Variants in ELMO1 observed in about 807,000 individuals in gnomAD.
ELMO1 encodes the protein engulfment and cell motility 1.
ELMO1 carries 26 observed loss-of-function variants against 98.9 expected under a neutral mutation model. That is an observed-to-expected ratio of 0.26 (90% CI 0.19 to 0.36). ELMO1 has a LOEUF of 0.36. Among genes scored for constraint, ELMO1 ranks in the 10% least tolerant of loss-of-function variants. The pLI, the probability that ELMO1 is intolerant of heterozygous loss-of-function variation, is 1.00. For synonymous variants in ELMO1, 346 were observed against 346.0 expected (o/e 1.00, Z 0.00); for missense variants, 627 against 935.2 (o/e 0.67, Z 4.30).
At chr7:36,888,701 G>A (rs2129051688) in intron 17 of ELMO1, among the ~76,000 whole-genome samples, 1 of 152,316 alleles carries the variant, frequency 6.6e-6, no homozygotes, top group South Asian at 2.1e-4. Context: ...TTGCTTTGGT[G>A]ACATTCTCTC....
chr7:37,159,640 T>C (rs562637423), intron 13 of ELMO1, among the ~76,000 whole-genome samples: 105 of 152,080 alleles, frequency 6.9e-4, no homozygotes, highest in African/African-American at 2.4e-3. Flanking sequence ...CAGAGGTTGC[T>C]GTGAGCCAAG....
At chr7:37,232,609 G>C (rs748989639) in intron 8 of ELMO1, among the ~76,000 whole-genome samples, 2 of 152,196 alleles carry the variant, frequency 1.3e-5, no homozygotes, top group Non-Finnish European at 2.9e-5. Context: ...CTTGCACCCT[G>C]ATTACAAGTA....
chr7:37,012,399 T>C (rs7807504), intron 16 of ELMO1, among the ~76,000 whole-genome samples: 172 of 152,302 alleles, frequency 1.1e-3, no homozygotes, highest in African/African-American at 3.9e-3. Context: ...AGCCCCACAG[T>C]ATGACTGAGG....
At chr7:36,915,817 A>G (rs569082641) in intron 16 of ELMO1, among the ~76,000 whole-genome samples, 1 of 152,184 alleles carries the variant, frequency 6.6e-6, no homozygotes, top group Non-Finnish European at 1.5e-5. Context: ...GCAGGAGGTG[A>G]GCATTGGAAA....
chr7:36,918,966 G>A (rs571557932), intron 16 of ELMO1, among the ~76,000 whole-genome samples: 2 of 147,090 alleles, frequency 1.4e-5, no homozygotes, highest in East Asian at 4.0e-4. Context: ...GAGCAAGCAA[G>A]CATGCCTTCA....
intron 2 of ELMO1, among the ~76,000 whole-genome samples, chr7:37,322,006 C>A (rs193038968): frequency 6.6e-6 from 1 of 151,490 alleles, no homozygotes; most frequent in Non-Finnish European, 1.5e-5. Flanking sequence ...ACTACAGGCA[C>A]GCACCACCAC....
At chr7:37,276,749 C>A (rs903106113) in intron 4 of ELMO1, among the ~76,000 whole-genome samples, 4 of 152,222 alleles carry the variant, frequency 2.6e-5, no homozygotes, top group Admixed American at 2.6e-4. Context: ...GTCTACCCAG[C>A]AGGATAACAA....
chr7:36,896,624 T>C (rs1162502920), intron 16 of ELMO1, among the ~76,000 whole-genome samples: 1 of 152,218 alleles, frequency 6.6e-6, no homozygotes, highest in African/African-American at 2.4e-5. Flanking sequence ...CCCAGCATAA[T>C]GTCATACAGG....
At chr7:36,987,138 A>G (rs1791568341) in intron 16 of ELMO1, among the ~76,000 whole-genome samples, 1 of 152,172 alleles carries the variant, frequency 6.6e-6, no homozygotes, top group African/African-American at 2.4e-5. Flanking sequence ...TTTCTGCATT[A>G]GCACCTCATC....
chr7:36,862,597 G>A (rs1159965566), intron 20 of ELMO1, among the ~76,000 whole-genome samples: 5 of 152,204 alleles, frequency 3.3e-5, no homozygotes, highest in Non-Finnish European at 7.3e-5. Context: ...TGGTCTGAGC[G>A]GTCAGCAGAA....
chr7:37,361,014 AT>A (rs776219505), intron 1 of ELMO1, among the ~76,000 whole-genome samples: 21 of 147,130 alleles, frequency 1.4e-4, no homozygotes, highest in Non-Finnish European at 2.2e-4. Context: ...GTACACACTC[AT>A]TATGATGATA....
At chr7:36,941,031 T>C (rs960530506) in intron 16 of ELMO1, among the ~76,000 whole-genome samples, 1 of 152,240 alleles carries the variant, frequency 6.6e-6, no homozygotes, top group African/African-American at 2.4e-5. Flanking sequence ...CAGCTCTGCA[T>C]TTTATGAAAT....
chr7:37,148,036 T>C (rs1459982235), intron 13 of ELMO1, among the ~76,000 whole-genome samples: 1 of 152,110 alleles, frequency 6.6e-6, no homozygotes, highest in East Asian at 1.9e-4. Flanking sequence ...TGAGCAATAC[T>C]GTAGTCAGGG....
intron 1 of ELMO1, among the ~76,000 whole-genome samples, chr7:37,405,145 A>T (rs2131472759): frequency 6.6e-6 from 1 of 152,258 alleles, no homozygotes; most frequent in South Asian, 2.1e-4. Flanking sequence ...ATGGGATTTT[A>T]TCTGAATGAA....
chr7:37,012,376 G>A (rs367664817), intron 16 of ELMO1, among the ~76,000 whole-genome samples: 7 of 152,296 alleles, frequency 4.6e-5, no homozygotes, highest in African/African-American at 1.7e-4. Flanking sequence ...TATGCACCAA[G>A]CACGCCCATG....
intron 13 of ELMO1, among the ~76,000 whole-genome samples, chr7:37,156,968 C>T (rs1329107465): frequency 1.3e-5 from 2 of 152,180 alleles, no homozygotes; most frequent in African/African-American, 2.4e-5. Flanking sequence ...GCTTATCCAC[C>T]ACGAGCAAGT....
Position 37,375,044 on chromosome 7 carries a change from G to A in ELMO1, c.-73-32281C>T, listed in dbSNP as rs182394135. 2.1e-3 allele frequency among the ~76,000 whole-genome samples: 322 copies of A among 152,226 alleles called. 4 individuals are homozygous for A. The highest frequency in any genetic ancestry group is 7.4e-3 in the African/African-American group (306 of 41,554). On this transcript the variant is annotated intron_variant, in intron 1 of 21. Coordinates refer to ENST00000310758, the MANE Select transcript of ELMO1 (RefSeq NM_014800.11). Reference sequence around the variant, plus strand: ...ACTGCACTCCAGCCTGGGTGACAGAGCAAGAGTCTGTCAAAAAAAAGAAGA... The same window carrying A: ...ACTGCACTCCAGCCTGGGTGACAGAACAAGAGTCTGTCAAAAAAAAGAAGA...
chr7:37,288,663 C>T (rs954804729), intron 4 of ELMO1, among the ~76,000 whole-genome samples: 1 of 152,186 alleles, frequency 6.6e-6, no homozygotes, highest in Non-Finnish European at 1.5e-5. Context: ...AGATGGAGAA[C>T]CCAGACATTA....
chr7:37,012,470 G>A (rs1793628489), intron 16 of ELMO1, among the ~76,000 whole-genome samples: 2 of 152,210 alleles, frequency 1.3e-5, no homozygotes, highest in Non-Finnish European at 2.9e-5. Context: ...GGTCATGGGT[G>A]ATGGGCCTGA....
Sources: allele counts gnomAD v4.1 joint callset (sites outside exome capture counted in the v4.1 genomes callset), GRCh38; gene constraint gnomAD v4.1.1; transcripts MANE v1.5; gene names NCBI Gene and HGNC (gene_info 2026-07-23, HGNC 2026-07-21).